The following FGD4 variants were observed in gnomAD, a reference collection of about 807,000 sequenced individuals.
FGD4 encodes the protein FYVE, RhoGEF and PH domain-containing protein 4.
Under a neutral mutation model 102.0 loss-of-function variants are expected in FGD4, and 42 were observed. That is an observed-to-expected ratio of 0.41 (90% CI 0.32 to 0.53). The LOEUF is 0.53. Ranked by LOEUF, FGD4 falls within the 20% of genes least tolerant of loss-of-function variation. The pLI is 0.21. For synonymous variants in FGD4, 380 were observed against 375.7 expected (o/e 1.01, Z -0.13); for missense variants, 902 against 1,078.2 (o/e 0.84, Z 2.29).
At chr12:32,571,766 G>A (rs569946396) in intron 2 of FGD4, among the ~76,000 whole-genome samples, 3 of 152,228 alleles carry the variant, frequency 2.0e-5, no homozygotes, top group East Asian at 1.9e-4. Flanking sequence ...CTAGGTATGC[G>A]CCAAAGCCTG....
chr12:32,410,764 G>A (rs577679328), intron 1 of FGD4, among the ~76,000 whole-genome samples: 9 of 152,166 alleles, frequency 5.9e-5, no homozygotes, highest in African/African-American at 2.2e-4. Flanking sequence ...ACAGTTCTGG[G>A]AACCGCACTG....
rs150900460 is a variant in FGD4, at chr12:32,440,420, C to T, written c.166+40461C>T. ...TCATAGAGGTATAATGCCACCTTGA[C>T]GATCTTGGACAAGATTCGGCAAAAT... is the stretch of plus-strand genomic sequence containing the variant. On this transcript the variant is annotated intron_variant, in intron 1 of 16. Transcript: ENST00000534526. 5.9e-5 allele frequency among the ~76,000 whole-genome samples: 9 copies of T among 152,324 alleles called. No individual in the cohort carries two copies. The East Asian group carries it at 1.2e-3, about 20-fold the overall frequency.
intron 1 of FGD4, among the ~76,000 whole-genome samples, chr12:32,527,071 G>A (rs1283249763): frequency 6.6e-6 from 1 of 151,980 alleles, no homozygotes; most frequent in Non-Finnish European, 1.5e-5. Flanking sequence ...TAAAGTTTTC[G>A]GTAAGTTACC....
chr12:32,506,891 G>A lies in FGD4; in HGVS notation c.167-57246G>A, dbSNP rs1334298084. On this transcript the variant is annotated intron_variant, in intron 1 of 16. Coordinates refer to ENST00000534526, the MANE Select transcript of FGD4 (RefSeq NM_001370298.3). The surrounding 1 kb of genome is among the most constrained non-coding windows in gnomAD (Gnocchi z 4.5). ...GGTATGTGATGACAAAATGGGCTAT[G>A]TTAAAGAGGGAGTTGAGGGTGGCAA... Among the ~76,000 whole-genome samples the A allele has an allele frequency of 6.6e-6, 1 of 152,122 alleles. No homozygotes were observed. The highest frequency in any genetic ancestry group is 1.5e-5 in the Non-Finnish European group (1 of 68,030).
intron 1 of FGD4, among the ~76,000 whole-genome samples, chr12:32,445,297 TA>T (rs1222739341): frequency 6.6e-6 from 1 of 152,252 alleles, no homozygotes; most frequent in Non-Finnish European, 1.5e-5. Flanking sequence ...TGTTTTAAAA[TA>T]AATTTTTATA....
chr12:32,540,496 G>T (rs536632358), intron 1 of FGD4, among the ~76,000 whole-genome samples: 21 of 152,048 alleles, frequency 1.4e-4, no homozygotes, highest in Non-Finnish European at 2.9e-4. Context: ...TGTTAGGGGT[G>T]CATAGTTCTG....
At chr12:32,624,933 T>G in intron 12 of FGD4, 43 bp from the exon 13 acceptor site, 314 of 1,493,032 alleles carry the variant, frequency 2.1e-4, no homozygotes, top group Non-Finnish European at 2.7e-4. Context: ...TTGGTTTATA[T>G]GAGAAACTTT....
intron 1 of FGD4, among the ~76,000 whole-genome samples, chr12:32,537,889 TTTTG>T (rs1228639230): frequency 3.9e-5 from 6 of 152,106 alleles, no homozygotes; most frequent in East Asian, 3.9e-4. Flanking sequence ...ATAGCAGTTT[TTTTG>T]TTTGTTTGTT....
At chr12:32,519,736 G>A (rs969314865) in intron 1 of FGD4, among the ~76,000 whole-genome samples, 19 of 152,156 alleles carry the variant, frequency 1.2e-4, no homozygotes, top group African/African-American at 4.3e-4. Context: ...TCAGGAGTTC[G>A]AGACCAGCCT....
rs970986352 is a variant in FGD4, at chr12:32,521,308, G to A, written c.167-42829G>A. On this transcript the variant is annotated intron_variant, in intron 1 of 16. Coordinates refer to ENST00000534526, the MANE Select transcript of FGD4 (RefSeq NM_001370298.3). ...GGAGAATTGCTTGAACCAGGGAATC[G>A]GAGGTTACAGTGAGCCAAGATCGCA... 2.0e-5 allele frequency among the ~76,000 whole-genome samples: 3 copies of A among 147,938 alleles called. No individual in the cohort carries two copies. The South Asian group carries it at 6.4e-4, about 32-fold the overall frequency.
chr12:32,419,243 T>G (rs1826709485), intron 1 of FGD4, among the ~76,000 whole-genome samples: 1 of 152,198 alleles, frequency 6.6e-6, no homozygotes, highest in South Asian at 2.1e-4. Flanking sequence ...ATTTTCCCCC[T>G]GCTTTTCTCA....
chr12:32,535,088 C>A (rs750819681), intron 1 of FGD4, among the ~76,000 whole-genome samples: 3 of 152,142 alleles, frequency 2.0e-5, no homozygotes, highest in Non-Finnish European at 2.9e-5. Context: ...TTGTAGAGAG[C>A]ATATTAATGA....
chr12:32,418,893 T>A (rs1941524550), intron 1 of FGD4, among the ~76,000 whole-genome samples: 1 of 152,196 alleles, frequency 6.6e-6, no homozygotes, highest in African/African-American at 2.4e-5. Flanking sequence ...CCTGGTGTTT[T>A]GTTCTACTGT....
chr12:32,592,519 C>T (rs537653710), intron 4 of FGD4, among the ~76,000 whole-genome samples: 10 of 152,056 alleles, frequency 6.6e-5, no homozygotes, highest in Admixed American at 2.6e-4. Context: ...TGGTAAAGCG[C>T]TAAGCACAAG....
chr12:32,513,408 G>T (rs889453536), intron 1 of FGD4, among the ~76,000 whole-genome samples: 4 of 152,328 alleles, frequency 2.6e-5, no homozygotes, highest in African/African-American at 9.6e-5. Context: ...TGTAAGTCAG[G>T]TGTGGGACAT....
At chr12:32,563,893 C>T (rs927983600) in intron 1 of FGD4, among the ~76,000 whole-genome samples, 3 of 152,024 alleles carry the variant, frequency 2.0e-5, no homozygotes, top group Non-Finnish European at 4.4e-5. Context: ...CGCAGGCACT[C>T]GGCAGGCTGA....
At chr12:32,446,915 C>G (rs907133699) in intron 1 of FGD4, among the ~76,000 whole-genome samples, 2 of 152,204 alleles carry the variant, frequency 1.3e-5, no homozygotes, top group Non-Finnish European at 2.9e-5. Flanking sequence ...GAGGGGCATG[C>G]ATCCTGCCCA....
intron 1 of FGD4, among the ~76,000 whole-genome samples, chr12:32,467,466 T>C (rs1943290829): frequency 2.0e-5 from 3 of 152,108 alleles, no homozygotes; most frequent in Admixed American, 1.3e-4. Flanking sequence ...GAAGAATAAA[T>C]AAATAAAACG....
intron 10 of FGD4, among the ~76,000 whole-genome samples, chr12:32,617,699 C>G (rs574179093): frequency 1.3e-5 from 2 of 152,316 alleles, no homozygotes; most frequent in African/African-American, 4.8e-5. Flanking sequence ...GCCATAGTTG[C>G]TATAACTTCT....
Sources: gnomAD v4.1 joint callset for allele counts (sites outside exome capture counted in the v4.1 genomes callset) on GRCh38, gnomAD v4.1.1 for gene constraint, Gnocchi (gnomAD v3.1) non-coding constraint, MANE v1.5 for transcripts, NCBI Gene and HGNC (gene_info 2026-07-23, HGNC 2026-07-21) for gene names.